UBXN7: variants seen among roughly 807,000 people sequenced by gnomAD.
UBXN7 encodes UBX domain-containing protein 7.
Under a neutral mutation model 58.0 loss-of-function variants are expected in UBXN7, and 9 were observed. The ratio of observed to expected loss-of-function variants is 0.16; its 90% CI spans 0.09 to 0.27. The LOEUF is 0.27. Among genes scored for constraint, UBXN7 ranks in the 10% least tolerant of loss-of-function variants. The probability of loss-of-function intolerance (pLI) is 1.00; values close to 1 mark genes in which losing one functional copy is unlikely to be tolerated. For missense variants in UBXN7, 328 were observed against 599.6 expected (o/e 0.55, Z 4.73); for synonymous variants, 208 against 205.0 (o/e 1.01, Z -0.12).
chr3:196,431,714 G>A (rs778257089), intron 1 of UBXN7: 3 of 439,278 alleles, frequency 6.8e-6, no homozygotes, highest in South Asian at 4.8e-5. Flanking sequence ...CAGTCCCTGA[G>A]GTCCTCCTCA....
chr3:196,357,857 C>CA (rs915480645), intron 10 of UBXN7, among the ~76,000 whole-genome samples: 3 of 150,700 alleles, frequency 2.0e-5, no homozygotes, highest in Non-Finnish European at 4.4e-5. Flanking sequence ...ATCTTCATCT[C>CA]AAAAAAAGTA....
chr3:196,408,599 C>A (rs1357835536), intron 1 of UBXN7, among the ~76,000 whole-genome samples: 3 of 152,028 alleles, frequency 2.0e-5, no homozygotes, highest in African/African-American at 7.2e-5. Context: ...CCCTTAGAAT[C>A]TCCTTCTCTT....
rs1204342911 is a variant in UBXN7, at chr3:196,401,768, TA to T, written c.289+1183del. Among the ~76,000 whole-genome samples the T allele has an allele frequency of 3.7e-3, 431 of 117,478 alleles. 4 individuals carry two copies. The highest frequency in any genetic ancestry group is 0.013 in the African/African-American group (367 of 28,596). The allele number at this position is 117,478 out of a possible 152,430, so 77.1% of individuals were successfully genotyped here. A position where few individuals can be genotyped will look rare whatever the true frequency, so the allele number is the denominator to read the frequency against. On this transcript the variant is annotated intron_variant, in intron 3 of 10. Coordinates refer to ENST00000296328, the MANE Select transcript of UBXN7 (RefSeq NM_015562.2). ...ACATAGCAAGACTCCATCTCTATTT[TA>T]AAAAAAAAAAAAAAAAAAAAGTAAA... is the stretch of plus-strand genomic sequence containing the variant.
intron 8 of UBXN7, among the ~76,000 whole-genome samples, 175 bp from the exon 9 acceptor site, chr3:196,362,862 T>C (rs957377957): frequency 8.5e-5 from 13 of 152,128 alleles, no homozygotes; most frequent in South Asian, 8.3e-4. Flanking sequence ...TGGAGATATA[T>C]ATATGTGTGT....
At position 196,354,026 on chromosome 3, in the gene UBXN7, G is replaced by C; in HGVS notation, c.*2659C>G. 1 of 152,174 alleles carries C rather than the reference G, an allele frequency of 6.6e-6. No individual in the cohort carries two copies. The highest frequency in any genetic ancestry group is 1.5e-5 in the Non-Finnish European group (1 of 68,042). The allele number at this position is 152,174 out of a possible 1,614,324, so 9.4% of individuals were successfully genotyped here. A position where few individuals can be genotyped will look rare whatever the true frequency, so the allele number is the denominator to read the frequency against. On this transcript the variant is annotated 3_prime_UTR_variant, in exon 11 of 11. Coordinates refer to ENST00000296328, the MANE Select transcript of UBXN7 (RefSeq NM_015562.2). ...GAGGAAGTAAGGCAAACTGGAAGAA[G>C]CATACTGTCAGCGGATTAAATTCTT...
chr3:196,419,467 G>A (rs886105147), intron 1 of UBXN7, among the ~76,000 whole-genome samples: 2 of 152,128 alleles, frequency 1.3e-5, no homozygotes, highest in Non-Finnish European at 2.9e-5. Context: ...CAAAGCCAGT[G>A]CTAGAAAGAA....
chr3:196,426,318 G>A (rs1324885628), intron 1 of UBXN7, among the ~76,000 whole-genome samples: 4 of 150,984 alleles, frequency 2.6e-5, no homozygotes, highest in East Asian at 3.9e-4. Context: ...CCGGGGAGGC[G>A]GAGGTTGCAA....
intron 1 of UBXN7, chr3:196,431,847 C>T: frequency 2.6e-6 from 1 of 381,766 alleles, no homozygotes; most frequent in Non-Finnish European, 5.3e-6. Flanking sequence ...CTCCGAGGGG[C>T]CCAGAAAGGG....
At chr3:196,394,942 C>CT (rs1449369530) in intron 3 of UBXN7, among the ~76,000 whole-genome samples, 6 of 152,146 alleles carry the variant, frequency 3.9e-5, no homozygotes, top group African/African-American at 1.4e-4. Flanking sequence ...ATTACCCAGT[C>CT]TTTAAGTATT....
chr3:196,397,041 G>T (rs569663806), intron 3 of UBXN7, among the ~76,000 whole-genome samples: 1 of 151,748 alleles, frequency 6.6e-6, no homozygotes, highest in African/African-American at 2.4e-5. Flanking sequence ...TCTTCCCTTC[G>T]TTTACCCTAT....
rs761251503 is a variant in UBXN7 at position 196,406,585 on chromosome 3, G to A, written c.221+661C>T. Among the ~76,000 whole-genome samples, 12 of 151,532 alleles carry A rather than the reference G, an allele frequency of 7.9e-5. 1 individual carries two copies. Among genetic ancestry groups the A allele is most frequent in the South Asian group, 4.2e-4 (2 of 4,812 alleles). On this transcript the variant is annotated intron_variant, in intron 2 of 10. Transcript: ENST00000296328. The stretch of plus-strand genomic sequence containing the variant: ...CTCCCGAGTAGCTGGGATTACAGGC[G>A]CATGCCACCACGCCTGGCTAATTTT...
chr3:196,429,124 G>A (rs1379491744), intron 1 of UBXN7, among the ~76,000 whole-genome samples: 1 of 151,894 alleles, frequency 6.6e-6, no homozygotes, highest in Non-Finnish European at 1.5e-5. Flanking sequence ...TCAGGAGATC[G>A]AGACCATCCC....
At position 196,362,346 on chromosome 3, in the gene UBXN7, C is replaced by T; in HGVS notation, c.1176G>A (p.Leu392=). The change falls in exon 9 of 11, where the codon CTG becomes CTA. Residue 392 remains leucine, a synonymous_variant. Transcript: ENST00000296328. ...QGLPAVDSEI[L]EMPPEKADGV... is the part of the protein sequence containing the mutation. ...CATCTGCTTTTTCAGGTGGCATCTC[C>T]AGTATCTCTGAATCCACAGCTGGCA... 6.2e-7 allele frequency: 1 copy of T among 1,613,780 alleles called. No individual in the cohort carries two copies. Among genetic ancestry groups the T allele is most frequent in the Non-Finnish European group, 8.5e-7 (1 of 1,179,860 alleles).
rs1423213537 is a variant in UBXN7 at position 196,351,172 on chromosome 3, A to C, written c.*5513T>G. On this transcript the variant is annotated 3_prime_UTR_variant, in exon 11 of 11. Transcript: ENST00000296328. The stretch of plus-strand genomic sequence containing the variant: ...TTAAGTCAGCCTAATTGTATCTTTA[A>C]AAAGCTGTTTCTGCCAAAACCAGGT... 1 of 152,236 alleles carries C rather than the reference A, an allele frequency of 6.6e-6. No homozygotes were observed. Among genetic ancestry groups the C allele is most frequent in the Non-Finnish European group, 1.5e-5 (1 of 68,044 alleles). 9.4% of individuals were successfully genotyped at this position (152,236 alleles called of 1,614,324 possible). A position where few individuals can be genotyped will look rare whatever the true frequency, so the allele number is the denominator to read the frequency against.
intron 5 of UBXN7, among the ~76,000 whole-genome samples, chr3:196,375,920 T>TTGGA (rs1729004417): frequency 6.6e-6 from 1 of 152,140 alleles, no homozygotes. Context: ...TCCCATCTAC[T>TTGGA]TGGGTAGCTG....
At position 196,356,039 on chromosome 3, in the gene UBXN7, A is replaced by G. The variant is rs1577427923; in HGVS notation, c.*646T>C. The G allele has an allele frequency of 1.4e-5, 1 of 72,070 alleles. No individual in the cohort carries two copies. The highest frequency in any genetic ancestry group is 3.5e-5 in the Non-Finnish European group (1 of 28,582). 4.5% of individuals were successfully genotyped at this position (72,070 alleles called of 1,614,324 possible). On this transcript the variant is annotated 3_prime_UTR_variant, in exon 11 of 11. Coordinates refer to ENST00000296328, the MANE Select transcript of UBXN7 (RefSeq NM_015562.2). The stretch of plus-strand genomic sequence containing the variant: ...TTAACACTCATTCTGCCAATAACAC[A>G]TGTCATGGAAATAGTCCTTATAGCT...
rs1231835801 is a variant in UBXN7 at position 196,397,240 on chromosome 3, T to G, written c.290-3621A>C. Among the ~76,000 whole-genome samples, 4 of 152,226 alleles carry G rather than the reference T, an allele frequency of 2.6e-5. No individual in the cohort carries two copies. In the East Asian group the frequency reaches 7.7e-4, roughly 29 times the overall value. On this transcript the variant is annotated intron_variant, in intron 3 of 10. Coordinates refer to ENST00000296328, the MANE Select transcript of UBXN7 (RefSeq NM_015562.2). Reference sequence around the variant, plus strand: ...CACTGAAGCCAAAGAGACTAAGCTATAAAGAGCTAAAAGAAATTCAGGAGC... The same window carrying G: ...CACTGAAGCCAAAGAGACTAAGCTAGAAAGAGCTAAAAGAAATTCAGGAGC...
At chr3:196,396,373 C>CTGT (rs1323911284) in intron 3 of UBXN7, among the ~76,000 whole-genome samples, 2 of 146,528 alleles carry the variant, frequency 1.4e-5, no homozygotes, top group Non-Finnish European at 3.0e-5. Flanking sequence ...ACAGTCTGTG[C>CTGT]AACATACTGA....
chr3:196,395,071 T>C (rs907069016), intron 3 of UBXN7, among the ~76,000 whole-genome samples: 1 of 152,230 alleles, frequency 6.6e-6, no homozygotes, highest in African/African-American at 2.4e-5. Context: ...AGGCTTTTCA[T>C]GATTCCCTCA....
Sources: gnomAD v4.1 joint callset for allele counts (sites outside exome capture counted in the v4.1 genomes callset) on GRCh38, gnomAD v4.1.1 for gene constraint, MANE v1.5 for transcripts, NCBI Gene and HGNC (gene_info 2026-07-23, HGNC 2026-07-21) for gene names.